Variants in PHKB observed in about 807,000 individuals in gnomAD.
The protein encoded by PHKB is phosphorylase b kinase regulatory subunit beta.
PHKB carries 122 observed loss-of-function variants against 152.1 expected under a neutral mutation model. The observed-to-expected ratio is 0.80, with a 90% confidence interval of 0.69 to 0.93. PHKB has a LOEUF of 0.93. Among genes scored for constraint, PHKB ranks in the 40% least tolerant of loss-of-function variants. PHKB has a pLI of 0.00. For synonymous variants in PHKB, 436 were observed against 464.9 expected (o/e 0.94, Z 0.80); for missense variants, 1,304 against 1,328.4 (o/e 0.98, Z 0.29).
intron 1 of PHKB, among the ~76,000 whole-genome samples, chr16:47,483,873 T>C (rs950703888): frequency 1.3e-5 from 2 of 152,222 alleles, no homozygotes; most frequent in African/African-American, 2.4e-5. Context: ...TAAATACTTA[T>C]TAAGCACTCA....
chr16:47,535,652 GCA>G (rs1286816823), intron 6 of PHKB, among the ~76,000 whole-genome samples: 2 of 152,044 alleles, frequency 1.3e-5, no homozygotes, highest in Non-Finnish European at 2.9e-5. Context: ...TTGTTTCTTA[GCA>G]CACACACCTT....
chr16:47,587,607 G>C, intron 8 of PHKB, 61 bp from the exon 9 acceptor site: 1 of 1,279,112 alleles, frequency 7.8e-7, no homozygotes. Context: ...CAGTCAAAAT[G>C]CCAAAGTTCT....
At chr16:47,536,888 C>A (rs952277671) in intron 6 of PHKB, among the ~76,000 whole-genome samples, 4 of 152,168 alleles carry the variant, frequency 2.6e-5, no homozygotes, top group African/African-American at 9.7e-5. Flanking sequence ...AAATTAGAGA[C>A]TTCACTAAGA....
intron 1 of PHKB, among the ~76,000 whole-genome samples, chr16:47,471,973 G>A (rs992051532): frequency 1.3e-5 from 2 of 152,156 alleles, no homozygotes; most frequent in African/African-American, 4.8e-5. Context: ...GGAGAATGGC[G>A]TGAACCCGGG....
At chr16:47,487,864 A>G (rs1309828655) in intron 1 of PHKB, among the ~76,000 whole-genome samples, 2 of 152,190 alleles carry the variant, frequency 1.3e-5, no homozygotes, top group African/African-American at 2.4e-5. Context: ...CGTTGAGTCC[A>G]TGACCCTGCT....
intron 29 of PHKB, 24 bp from the exon 30 acceptor site, chr16:47,698,424 G>C: frequency 6.3e-7 from 1 of 1,579,990 alleles, no homozygotes; most frequent in Non-Finnish European, 8.7e-7. Context: ...CATATAGTTG[G>C]CTTTCAATGT....
intron 13 of PHKB, chr16:47,598,697 A>G (rs186259658): frequency 6.4e-7 from 1 of 1,562,468 alleles, no homozygotes; most frequent in African/African-American, 1.4e-5. Flanking sequence ...TCTTCCACTA[A>G]TGGCGCCCAT....
intron 7 of PHKB, among the ~76,000 whole-genome samples, chr16:47,554,865 C>T (rs1555482084): frequency 6.6e-6 from 1 of 152,194 alleles, no homozygotes; most frequent in Non-Finnish European, 1.5e-5. Flanking sequence ...TAACCAGTCC[C>T]AGTGAGATGA....
chr16:47,584,452 C>G (rs1200903979), intron 8 of PHKB, among the ~76,000 whole-genome samples: 1 of 152,108 alleles, frequency 6.6e-6, no homozygotes, highest in Non-Finnish European at 1.5e-5. Flanking sequence ...AATTCATGTT[C>G]AAATTTATCT....
At chr16:47,663,574 A>G (rs1017447977) in intron 23 of PHKB, 103 bp from the exon 24 acceptor site, 6 of 878,492 alleles carry the variant, frequency 6.8e-6, no homozygotes, top group Middle Eastern at 3.1e-4. Context: ...CGATGTATCA[A>G]CTCTAGTGAA....
chr16:47,673,357 C>G (rs1973669728), intron 26 of PHKB, among the ~76,000 whole-genome samples: 1 of 152,094 alleles, frequency 6.6e-6, no homozygotes, highest in Admixed American at 6.6e-5. Flanking sequence ...TCTCTGTACT[C>G]TTAGAGAAGT....
At chr16:47,504,193 A>G (rs899664080) in intron 4 of PHKB, among the ~76,000 whole-genome samples, 1 of 152,262 alleles carries the variant, frequency 6.6e-6, no homozygotes, top group Non-Finnish European at 1.5e-5. Context: ...AGCACCTAGG[A>G]GTCCTCCCCA....
At chr16:47,582,022 G>A (rs560657924) in intron 8 of PHKB, among the ~76,000 whole-genome samples, 34 of 152,190 alleles carry the variant, frequency 2.2e-4, no homozygotes, top group Non-Finnish European at 8.8e-5. Context: ...TAATACAAAG[G>A]AAGGGAAATG....
At chr16:47,563,135 C>T (rs954368467) in intron 7 of PHKB, among the ~76,000 whole-genome samples, 5 of 151,912 alleles carry the variant, frequency 3.3e-5, no homozygotes, top group Non-Finnish European at 5.9e-5. Context: ...GAACTCCTCA[C>T]GCTTATCCAT....
rs116272104 is a variant in PHKB, at chr16:47,506,603, T to C, written c.405+3513T>C. Among the ~76,000 whole-genome samples, 1,065 of 152,338 alleles carry C rather than the reference T, an allele frequency of 7.0e-3. 14 individuals are homozygous for C. Among genetic ancestry groups the C allele is most frequent in the African/African-American group, 0.024 (993 of 41,576 alleles). ...ATAATGTCTTTATGAATTCAACTTT[T>C]CTCTCTAGGACACATTGTGAAAATC... is the stretch of plus-strand genomic sequence containing the variant. On this transcript the variant is annotated intron_variant, in intron 4 of 30. Coordinates refer to ENST00000323584, the MANE Select transcript of PHKB (RefSeq NM_000293.3).
intron 14 of PHKB, among the ~76,000 whole-genome samples, chr16:47,614,397 G>A (rs902180337): frequency 1.3e-5 from 2 of 152,170 alleles, no homozygotes; most frequent in African/African-American, 2.4e-5. Context: ...TGAGTTGTAC[G>A]CCATGGTATG....
At chr16:47,576,025 G>A (rs1256028885) in intron 7 of PHKB, among the ~76,000 whole-genome samples, 1 of 152,100 alleles carries the variant, frequency 6.6e-6, no homozygotes, top group African/African-American at 2.4e-5. Context: ...GTGGTGAGCC[G>A]AGATCGCGCC....
At chr16:47,629,329 A>G (rs1466650697) in intron 14 of PHKB, among the ~76,000 whole-genome samples, 1 of 152,154 alleles carries the variant, frequency 6.6e-6, no homozygotes, top group Non-Finnish European at 1.5e-5. Context: ...ATTGACAAGA[A>G]AAAAACAAAC....
At position 47,569,775 on chromosome 16, in the gene PHKB, C is replaced by A. The variant is rs942571120; in HGVS notation, c.711-10520C>A. Among the ~76,000 whole-genome samples the A allele has an allele frequency of 3.3e-5, 5 of 152,152 alleles. No individual in the cohort carries two copies. The East Asian group carries it at 9.6e-4, about 29-fold the overall frequency. On this transcript the variant is annotated intron_variant, in intron 7 of 30. Coordinates refer to ENST00000323584, the MANE Select transcript of PHKB (RefSeq NM_000293.3). ...AGCTGGGACTTACAGGTGCACGCCA[C>A]CACGCCTGGCTAATTTTTGTATTTT... is the stretch of plus-strand genomic sequence containing the variant.
Sources: gnomAD v4.1 joint callset for allele counts (sites outside exome capture counted in the v4.1 genomes callset) on GRCh38, gnomAD v4.1.1 for gene constraint, MANE v1.5 for transcripts, NCBI Gene and HGNC (gene_info 2026-07-23, HGNC 2026-07-21) for gene names.